Variants in ADK observed in about 807,000 individuals in gnomAD.
The protein encoded by ADK is adenosine kinase, also known as N6,N6-dimethyladenosine kinase.
A neutral mutation model predicts 44.7 loss-of-function variants in ADK; 24 were observed. The ratio of observed to expected loss-of-function variants is 0.54; its 90% CI spans 0.39 to 0.76. ADK has a LOEUF of 0.76. ADK is among the 30% of genes least tolerant of loss of function. The probability of loss-of-function intolerance (pLI) is 0.00; values close to 1 mark genes in which losing one functional copy is unlikely to be tolerated. For missense variants in ADK, 321 were observed against 425.1 expected (o/e 0.76, Z 2.15); for synonymous variants, 128 against 142.6 (o/e 0.90, Z 0.73).
chr10:74,399,164 C>T (rs1843625053), intron 6 of ADK, among the ~76,000 whole-genome samples: 1 of 151,372 alleles, frequency 6.6e-6, no homozygotes, highest in African/African-American at 2.4e-5. Flanking sequence ...TAGGATGGTA[C>T]TAAAAATTCT....
chr10:74,523,292 C>T (rs1379385826), intron 6 of ADK, among the ~76,000 whole-genome samples: 1 of 152,096 alleles, frequency 6.6e-6, no homozygotes, highest in Non-Finnish European at 1.5e-5. Context: ...CTTACTTTCT[C>T]ACCATTCCTT....
At chr10:74,424,177 G>T (rs904502662) in intron 6 of ADK, among the ~76,000 whole-genome samples, 9 of 152,210 alleles carry the variant, frequency 5.9e-5, no homozygotes, top group African/African-American at 2.2e-4. Context: ...CCCACCCCTG[G>T]TGGTATCTCC....
intron 6 of ADK, among the ~76,000 whole-genome samples, chr10:74,476,387 G>C (rs1846842708): frequency 6.6e-6 from 1 of 151,976 alleles, no homozygotes; most frequent in Non-Finnish European, 1.5e-5. Flanking sequence ...AGCTACTCGG[G>C]AGGCTGAGGC....
intron 4 of ADK, among the ~76,000 whole-genome samples, chr10:74,379,665 C>T (rs149714088): frequency 6.6e-6 from 1 of 152,200 alleles, no homozygotes. Context: ...GAAACTTCCC[C>T]TAACCGTAAG....
chr10:74,154,814 C>T (rs918130806), intron 1 of ADK, among the ~76,000 whole-genome samples: 2 of 152,184 alleles, frequency 1.3e-5, no homozygotes, highest in African/African-American at 2.4e-5. Flanking sequence ...CCACACCTTA[C>T]GTTTAGACTT....
At chr10:74,356,684 T>G (rs1257619988) in intron 4 of ADK, among the ~76,000 whole-genome samples, 1 of 152,214 alleles carries the variant, frequency 6.6e-6, no homozygotes, top group Non-Finnish European at 1.5e-5. Context: ...TTTCTATACT[T>G]TAGTCACCCT....
At chr10:74,468,985 G>A (rs1846456151) in intron 6 of ADK, among the ~76,000 whole-genome samples, 1 of 141,666 alleles carries the variant, frequency 7.1e-6, no homozygotes, top group Non-Finnish European at 1.5e-5. Flanking sequence ...GTGTGTGTGT[G>A]AGAGAGAGAG....
At chr10:74,515,398 G>T (rs1848527114) in intron 6 of ADK, among the ~76,000 whole-genome samples, 1 of 152,132 alleles carries the variant, frequency 6.6e-6, no homozygotes, top group Admixed American at 6.5e-5. Context: ...GGTGAGATTG[G>T]CTTACTGAGA....
intron 7 of ADK, among the ~76,000 whole-genome samples, chr10:74,534,875 A>G (rs569113241): frequency 1.3e-5 from 2 of 152,338 alleles, no homozygotes; most frequent in Non-Finnish European, 2.9e-5. Flanking sequence ...CAACAAAGTT[A>G]TTTGCTTACA....
chr10:74,702,293 C>T (rs1387162247), intron 10 of ADK, among the ~76,000 whole-genome samples: 12 of 151,468 alleles, frequency 7.9e-5, no homozygotes, highest in Non-Finnish European at 1.3e-4. Context: ...AAGCGATTCT[C>T]CTGCCTCAGT....
intron 1 of ADK, among the ~76,000 whole-genome samples, chr10:74,198,343 G>A (rs912047422): frequency 2.6e-5 from 4 of 152,124 alleles, no homozygotes; most frequent in African/African-American, 9.7e-5. Flanking sequence ...CCTCCACTCA[G>A]CTTTCTTTAA....
At chr10:74,369,824 TAAA>T (rs1219089398) in intron 4 of ADK, among the ~76,000 whole-genome samples, 2 of 152,130 alleles carry the variant, frequency 1.3e-5, no homozygotes, top group Non-Finnish European at 2.9e-5. Flanking sequence ...GCTTCTAGAT[TAAA>T]AAACAGAAGT....
At chr10:74,161,996 G>T (rs1181061491) in intron 1 of ADK, among the ~76,000 whole-genome samples, 1 of 152,022 alleles carries the variant, frequency 6.6e-6, no homozygotes, top group Non-Finnish European at 1.5e-5. Context: ...TGAGCTGCAT[G>T]CCTGGCCTCT....
intron 3 of ADK, among the ~76,000 whole-genome samples, chr10:74,311,252 C>T (rs986687796): frequency 1.3e-5 from 2 of 152,052 alleles, no homozygotes; most frequent in African/African-American, 4.8e-5. Context: ...TGGAAAATAC[C>T]TATCAATAGA....
intron 7 of ADK, among the ~76,000 whole-genome samples, chr10:74,561,269 C>G (rs1048138741): frequency 1.3e-5 from 2 of 152,164 alleles, no homozygotes; most frequent in Non-Finnish European, 2.9e-5. Context: ...CTTGTTAAAG[C>G]TTTCACCGTT....
chr10:74,188,684 C>T (rs1235131096), intron 1 of ADK, among the ~76,000 whole-genome samples: 3 of 152,050 alleles, frequency 2.0e-5, no homozygotes, highest in Non-Finnish European at 4.4e-5. Flanking sequence ...TTGATTTGCT[C>T]TCTTTTTTCT....
intron 2 of ADK, among the ~76,000 whole-genome samples, chr10:74,222,571 T>A (rs189958485): frequency 6.6e-6 from 1 of 152,182 alleles, no homozygotes; most frequent in Admixed American, 6.5e-5. Context: ...CGTTTGTTTA[T>A]TGCGGCGCTA....
chr10:74,364,501 T>C (rs189083865), intron 4 of ADK, among the ~76,000 whole-genome samples: 1 of 152,316 alleles, frequency 6.6e-6, no homozygotes, highest in East Asian at 1.9e-4. Context: ...CTCTGGCATT[T>C]ATCAGTGTTG....
intron 9 of ADK, among the ~76,000 whole-genome samples, chr10:74,642,497 A>T (rs549836858): frequency 8.6e-5 from 13 of 151,860 alleles, no homozygotes; most frequent in Admixed American, 5.3e-4. Context: ...GAGCCAGTGC[A>T]CCTGACCTCA....
Sources: gnomAD v4.1 joint callset for allele counts (sites outside exome capture counted in the v4.1 genomes callset) on GRCh38, gnomAD v4.1.1 for gene constraint, MANE v1.5 for transcripts, NCBI Gene and HGNC (gene_info 2026-07-23, HGNC 2026-07-21) for gene names.